Variants in CSMD3 observed in about 807,000 individuals in gnomAD.
CSMD3 encodes CUB and sushi domain-containing protein 3.
A neutral mutation model predicts 435.2 loss-of-function variants in CSMD3; 177 were observed. The observed-to-expected ratio is 0.41, with a 90% confidence interval of 0.36 to 0.46. The LOEUF is 0.46. CSMD3 is among the 20% of genes least tolerant of loss of function. The pLI is 0.34. For synonymous variants in CSMD3, 1,656 were observed against 1,520.5 expected (o/e 1.09, Z -2.07); for missense variants, 4,265 against 4,504.6 (o/e 0.95, Z 1.52).
chr8:112,451,446 T>G (rs1004227956), intron 32 of CSMD3, among the ~76,000 whole-genome samples: 1 of 152,000 alleles, frequency 6.6e-6, no homozygotes, highest in Non-Finnish European at 1.5e-5. Context: ...AAAGTAAAAG[T>G]TTTTTTTACA....
chr8:112,645,255 T>C lies in CSMD3; in HGVS notation c.3194-30A>G, dbSNP rs371037539. 21 of 1,169,298 alleles carry C rather than the reference T, an allele frequency of 1.8e-5. No individual in the cohort carries two copies. The African/African-American group carries it at 2.1e-4, about 12-fold the overall frequency. 72.4% of individuals were successfully genotyped at this position (1,169,298 alleles called of 1,614,324 possible). A position where few individuals can be genotyped will look rare whatever the true frequency, so the allele number is the denominator to read the frequency against. ...AATACAAAGAAACAGATCCATGTGATCAGCAGTGAGAGAGACAGAGGGTGA... is the reference window on the plus strand; with the variant it reads ...AATACAAAGAAACAGATCCATGTGACCAGCAGTGAGAGAGACAGAGGGTGA... On this transcript the variant is annotated intron_variant, in intron 19 of 70. Coordinates refer to ENST00000297405, the MANE Select transcript of CSMD3 (RefSeq NM_198123.2).
chr8:112,278,123 G>A (rs1372804175), intron 59 of CSMD3, among the ~76,000 whole-genome samples: 4 of 152,148 alleles, frequency 2.6e-5, no homozygotes, highest in Admixed American at 6.5e-5. Context: ...TCTGGGGAGG[G>A]GGCAGTTGAT....
chr8:112,973,542 A>G (rs996560458), intron 7 of CSMD3, among the ~76,000 whole-genome samples: 1 of 151,936 alleles, frequency 6.6e-6, no homozygotes, highest in Non-Finnish European at 1.5e-5. Context: ...CATTTTAGGC[A>G]TGTGTCTGAG....
At chr8:112,650,625 A>G (rs145326143) in intron 18 of CSMD3, among the ~76,000 whole-genome samples, 1 of 152,302 alleles carries the variant, frequency 6.6e-6, no homozygotes, top group African/African-American at 2.4e-5. Flanking sequence ...GTATATATAC[A>G]CATATATCAC....
At chr8:113,082,911 T>A (rs1039539310) in intron 5 of CSMD3, among the ~76,000 whole-genome samples, 1 of 151,884 alleles carries the variant, frequency 6.6e-6, no homozygotes, top group Non-Finnish European at 1.5e-5. Context: ...ACAAAAAAAA[T>A]TACAAGAAAA....
At chr8:113,410,765 C>A (rs960832416) in intron 1 of CSMD3, among the ~76,000 whole-genome samples, 2 of 149,814 alleles carry the variant, frequency 1.3e-5, no homozygotes, top group Non-Finnish European at 1.5e-5. Context: ...AAATGCCAGG[C>A]AGGCTGGCAT....
intron 3 of CSMD3, among the ~76,000 whole-genome samples, chr8:113,272,646 CT>C (rs1405218098): frequency 6.6e-6 from 1 of 152,216 alleles, no homozygotes; most frequent in African/African-American, 2.4e-5. Context: ...ATTAAACCTC[CT>C]TTTTTCCCCA....
intron 13 of CSMD3, among the ~76,000 whole-genome samples, chr8:112,754,227 G>C (rs568575354): frequency 6.6e-6 from 1 of 152,292 alleles, no homozygotes; most frequent in East Asian, 1.9e-4. Flanking sequence ...CTGCTGAACA[G>C]AGCTGTAAGG....
At chr8:112,308,433 A>C (rs558124526) in intron 50 of CSMD3, among the ~76,000 whole-genome samples, 65 of 152,234 alleles carry the variant, frequency 4.3e-4, no homozygotes, top group African/African-American at 1.5e-3. Flanking sequence ...AAAAAGAGAC[A>C]ACGTACCAGA....
Position 113,023,555 on chromosome 8 carries a change from A to G in CSMD3, c.918-4376T>C, listed in dbSNP as rs2086763196. 2.0e-5 allele frequency among the ~76,000 whole-genome samples: 3 copies of G among 152,090 alleles called. No individual in the cohort carries two copies. The South Asian group carries it at 6.2e-4, about 32-fold the overall frequency. On this transcript the variant is annotated intron_variant, in intron 5 of 70. Coordinates refer to ENST00000297405, the MANE Select transcript of CSMD3 (RefSeq NM_198123.2). ...TATGACCTTGTTAGATTATGGCCCTATGTTGAGCTGCTATTAGTTGCTCAA... is the reference window on the plus strand; with the variant it reads ...TATGACCTTGTTAGATTATGGCCCTGTGTTGAGCTGCTATTAGTTGCTCAA...
chr8:113,304,062 T>A (rs1180893512), intron 2 of CSMD3, among the ~76,000 whole-genome samples: 19 of 129,102 alleles, frequency 1.5e-4, no homozygotes, highest in African/African-American at 5.2e-4. Flanking sequence ...CAAACAAATC[T>A]ACAAGAAAAA....
chr8:112,599,785 C>T (rs1298520125), intron 22 of CSMD3, among the ~76,000 whole-genome samples: 16 of 147,256 alleles, frequency 1.1e-4, no homozygotes, highest in Admixed American at 2.8e-4. Context: ...AACCAAACAC[C>T]GTATATTCTC....
chr8:112,900,091 A>G (rs2082071095), intron 10 of CSMD3, among the ~76,000 whole-genome samples: 1 of 151,164 alleles, frequency 6.6e-6, no homozygotes, highest in South Asian at 2.1e-4. Flanking sequence ...CTCTGTGCTC[A>G]TGGGCAGGAA....
chr8:112,271,177 T>G (rs1817498325), intron 59 of CSMD3, among the ~76,000 whole-genome samples: 2 of 152,186 alleles, frequency 1.3e-5, no homozygotes, highest in African/African-American at 4.8e-5. Flanking sequence ...ACCTGCAGAC[T>G]TATTTATTGA....
intron 22 of CSMD3, among the ~76,000 whole-genome samples, chr8:112,603,791 CA>C (rs991155380): frequency 1.3e-4 from 20 of 151,714 alleles, no homozygotes; most frequent in African/African-American, 4.8e-4. Context: ...TATATTTATC[CA>C]AAAAAATTGC....
intron 45 of CSMD3, among the ~76,000 whole-genome samples, chr8:112,322,331 C>T (rs1372600541): frequency 6.6e-6 from 1 of 152,002 alleles, no homozygotes; most frequent in Non-Finnish European, 1.5e-5. Flanking sequence ...CTAAAGAAGA[C>T]TATGATGCTC....
At chr8:112,849,954 T>C (rs569226511) in intron 11 of CSMD3, among the ~76,000 whole-genome samples, 61 of 152,162 alleles carry the variant, frequency 4.0e-4, no homozygotes, top group African/African-American at 1.4e-3. Flanking sequence ...CAAAGTTAAA[T>C]TGTAGCCTTT....
At chr8:113,118,546 C>T (rs2131625381) in intron 4 of CSMD3, among the ~76,000 whole-genome samples, 1 of 152,178 alleles carries the variant, frequency 6.6e-6, no homozygotes, top group South Asian at 2.1e-4. Context: ...TCTGTAATCC[C>T]AAAACTTTGG....
rs146898802 is a variant in CSMD3, at chr8:112,639,061, A to G, written c.3311-150T>C. 332 of 612,264 alleles carry G rather than the reference A, an allele frequency of 5.4e-4. 3 individuals carry two copies. The highest frequency in any genetic ancestry group is 5.3e-3 in the African/African-American group (286 of 54,252). 37.9% of individuals were successfully genotyped at this position (612,264 alleles called of 1,614,324 possible). On this transcript the variant is annotated intron_variant, in intron 20 of 70. Transcript: ENST00000297405. Reference sequence around the variant, plus strand: ...CTATAAAATATTCCAAATATATGTTATATTATTCTTTTTGTGTGTGTTTTT... The same window carrying G: ...CTATAAAATATTCCAAATATATGTTGTATTATTCTTTTTGTGTGTGTTTTT...
Sources: gnomAD v4.1 joint callset for allele counts (sites outside exome capture counted in the v4.1 genomes callset) on GRCh38, gnomAD v4.1.1 for gene constraint, MANE v1.5 for transcripts, NCBI Gene and HGNC (gene_info 2026-07-23, HGNC 2026-07-21) for gene names.